The following GHR variants were observed in gnomAD, a reference collection of about 807,000 sequenced individuals.
GHR encodes growth hormone receptor, also known as GH receptor.
Under a neutral mutation model 67.1 loss-of-function variants are expected in GHR, and 35 were observed. That is an observed-to-expected ratio of 0.52 (90% CI 0.40 to 0.69). GHR has a LOEUF of 0.69. Among genes scored for constraint, GHR ranks in the 30% least tolerant of loss-of-function variants. The pLI is 0.00. For missense variants in GHR, 792 were observed against 764.6 expected (o/e 1.04, Z -0.42); for synonymous variants, 272 against 269.1 (o/e 1.01, Z -0.10).
intron 2 of GHR, among the ~76,000 whole-genome samples, chr5:42,618,144 G>C (rs1168243166): frequency 1.3e-5 from 2 of 152,036 alleles, no homozygotes; most frequent in Non-Finnish European, 2.9e-5. Context: ...ACTGCCCAGG[G>C]ACATGTCTAG....
At chr5:42,677,455 A>AT (rs1298268958) in intron 3 of GHR, among the ~76,000 whole-genome samples, 2 of 152,208 alleles carry the variant, frequency 1.3e-5, no homozygotes, top group South Asian at 2.1e-4. Flanking sequence ...CTCTGCTTGG[A>AT]TTTTTTTAAT....
chr5:42,709,231 T>G (rs146477302), intron 6 of GHR, among the ~76,000 whole-genome samples: 6,456 of 152,220 alleles, frequency 0.042, 192 homozygotes, highest in African/African-American at 0.084. Context: ...CCTCCAGAGT[T>G]CAAGTGATTC....
At chr5:42,587,663 G>GT (rs770427138) in intron 2 of GHR, among the ~76,000 whole-genome samples, 22 of 150,926 alleles carry the variant, frequency 1.5e-4, no homozygotes, top group Middle Eastern at 3.4e-3. Flanking sequence ...AAGATTTGGG[G>GT]TTTTTTTTGT....
At chr5:42,686,792 A>C (rs116803497) in intron 3 of GHR, among the ~76,000 whole-genome samples, 1,784 of 152,304 alleles carry the variant, frequency 0.012, 43 homozygotes, top group African/African-American at 0.041. Flanking sequence ...CTCTCTCACC[A>C]TTCCTTTTCA....
chr5:42,505,295 C>G (rs904646827), intron 1 of GHR, among the ~76,000 whole-genome samples: 1 of 151,848 alleles, frequency 6.6e-6, no homozygotes, highest in Admixed American at 6.6e-5. Flanking sequence ...TGAGCCCAGT[C>G]CAAGTCATTA....
At chr5:42,544,579 A>T (rs958118177) in intron 1 of GHR, among the ~76,000 whole-genome samples, 1 of 152,182 alleles carries the variant, frequency 6.6e-6, no homozygotes, top group African/African-American at 2.4e-5. Context: ...ACCTCCCAAG[A>T]GATGTTTATT....
At chr5:42,505,976 C>T (rs140625328) in intron 1 of GHR, among the ~76,000 whole-genome samples, 132 of 152,096 alleles carry the variant, frequency 8.7e-4, no homozygotes, top group African/African-American at 3.0e-3. Context: ...TATTTTGAAC[C>T]AAAATGTATT....
At chr5:42,481,465 T>A (rs1745632431) in intron 1 of GHR, among the ~76,000 whole-genome samples, 1 of 152,232 alleles carries the variant, frequency 6.6e-6, no homozygotes, top group African/African-American at 2.4e-5. Context: ...TTCACCTGGA[T>A]AATATCCTGC....
At chr5:42,572,438 CT>C in intron 2 of GHR, among the ~76,000 whole-genome samples, 1 of 152,324 alleles carries the variant, frequency 6.6e-6, no homozygotes, top group South Asian at 2.1e-4. Context: ...CCAAAGCAAA[CT>C]TCCTCATCAT....
chr5:42,438,799 C>G (rs1000862842), intron 1 of GHR, among the ~76,000 whole-genome samples: 10 of 152,040 alleles, frequency 6.6e-5, no homozygotes, highest in Non-Finnish European at 7.4e-5. Flanking sequence ...AGTGGAGCCT[C>G]GAGATGACTG....
At chr5:42,441,425 C>T (rs1342006752) in intron 1 of GHR, among the ~76,000 whole-genome samples, 1 of 151,656 alleles carries the variant, frequency 6.6e-6, no homozygotes, top group African/African-American at 2.4e-5. Flanking sequence ...GAAAGAGAGA[C>T]AATGAATATA....
intron 1 of GHR, among the ~76,000 whole-genome samples, chr5:42,505,182 T>G (rs1460077695): frequency 6.6e-6 from 1 of 151,514 alleles, no homozygotes; most frequent in Admixed American, 6.6e-5. Context: ...ATTTTAAATC[T>G]ATTATACTTT....
At chr5:42,657,372 T>C (rs1375775053) in intron 3 of GHR, among the ~76,000 whole-genome samples, 1 of 152,180 alleles carries the variant, frequency 6.6e-6, no homozygotes, top group African/African-American at 2.4e-5. Context: ...GCCAAAGTAG[T>C]GTTTTTAGAG....
At chr5:42,505,598 A>C (rs976961310) in intron 1 of GHR, among the ~76,000 whole-genome samples, 4 of 152,138 alleles carry the variant, frequency 2.6e-5, no homozygotes, top group Non-Finnish European at 5.9e-5. Context: ...GAGTCCACTG[A>C]GGTAGGTAGA....
intron 1 of GHR, among the ~76,000 whole-genome samples, chr5:42,539,938 C>T (rs188856006): frequency 6.6e-6 from 1 of 152,256 alleles, no homozygotes; most frequent in African/African-American, 2.4e-5. Context: ...CTATTAAGTA[C>T]TGTATAGGTT....
Position 42,517,183 on chromosome 5 carries a change from GT to G in GHR, c.-11-48677del, listed in dbSNP as rs150541206. ...CCTCTAAGAATGACATTTACTGTGAGTTTTATACCAATGGACTAATTGGAGG... is the reference window on the plus strand; with the variant it reads ...CCTCTAAGAATGACATTTACTGTGAGTTTATACCAATGGACTAATTGGAGG... On this transcript the variant is annotated intron_variant, in intron 1 of 9. Coordinates refer to ENST00000230882, the MANE Select transcript of GHR (RefSeq NM_000163.5). Among the ~76,000 whole-genome samples the G allele has an allele frequency of 8.2e-3, 1,253 of 152,246 alleles. 16 individuals are homozygous for G. The highest frequency in any genetic ancestry group is 0.029 in the African/African-American group (1,184 of 41,530).
intron 1 of GHR, chr5:42,514,934 G>A (rs1342022354): frequency 1.3e-5 from 2 of 152,206 alleles, no homozygotes; most frequent in East Asian, 3.8e-4. Flanking sequence ...AATAAGATCT[G>A]AAAGTAAACA....
chr5:42,610,706 G>A (rs1752851182), intron 2 of GHR, among the ~76,000 whole-genome samples: 1 of 152,142 alleles, frequency 6.6e-6, no homozygotes, highest in Non-Finnish European at 1.5e-5. Context: ...AAGGGAAAGA[G>A]AGAAGGAGGG....
chr5:42,429,711 T>C (rs1301879304), intron 1 of GHR, among the ~76,000 whole-genome samples: 5 of 152,230 alleles, frequency 3.3e-5, no homozygotes, highest in Admixed American at 3.3e-4. Context: ...GTGCAAATAG[T>C]GACTTAATTT....
Sources: allele counts gnomAD v4.1 joint callset (sites outside exome capture counted in the v4.1 genomes callset), GRCh38; gene constraint gnomAD v4.1.1; transcripts MANE v1.5; gene names NCBI Gene and HGNC (gene_info 2026-07-23, HGNC 2026-07-21).